The following FAM83B variants were observed in gnomAD, a reference collection of about 807,000 sequenced individuals.
The protein encoded by FAM83B is protein FAM83B.
In FAM83B, 26 loss-of-function variants were observed where a neutral mutation model predicts 38.8. The ratio of observed to expected loss-of-function variants is 0.67; its 90% CI spans 0.49 to 0.93. FAM83B has a LOEUF of 0.93. Among genes scored for constraint, FAM83B ranks in the 40% least tolerant of loss-of-function variants. The pLI, the probability that FAM83B is intolerant of heterozygous loss-of-function variation, is 0.00. For missense variants in FAM83B, 1,237 were observed against 1,197.3 expected (o/e 1.03, Z -0.49); for synonymous variants, 419 against 423.1 (o/e 0.99, Z 0.12).
chr6:54,863,991 C>T (rs75768710), intron 1 of FAM83B, among the ~76,000 whole-genome samples: 14,942 of 152,132 alleles, frequency 0.098, 846 homozygotes, highest in African/African-American at 0.15. Context: ...ATTTTATTTG[C>T]ATTTTTAAGC....
intron 4 of FAM83B, among the ~76,000 whole-genome samples, chr6:54,937,688 G>C (rs190932064): frequency 2.6e-5 from 4 of 152,012 alleles, no homozygotes; most frequent in African/African-American, 9.7e-5. Flanking sequence ...CATTGGACAC[G>C]AGGAAAGTGA....
In FAM83B at chr6:54,927,589, T is replaced by C. The variant is rs1306000070; in HGVS notation, c.691T>C (p.Phe231Leu). Residue 231 changes from phenylalanine (F) to leucine (L), a missense_variant, in exon 4 of 5, where the codon TTT becomes CTT. Coordinates refer to ENST00000306858, the MANE Select transcript of FAM83B (RefSeq NM_001010872.3). Reference protein sequence around the residue: ...AKFHGKMEQKFLLVDCQKVMY... With the variant: ...AKFHGKMEQKLLLVDCQKVMY... ...ATTCCATGGAAAAATGGAACAGAAA[T>C]TTTTGTTAGTTGACTGCCAGAAAGT... 6.2e-7 allele frequency: 1 copy of C among 1,608,124 alleles called. No homozygotes were observed.
chr6:54,937,034 TTTTG>T (rs1223156979), intron 4 of FAM83B, among the ~76,000 whole-genome samples: 4 of 150,220 alleles, frequency 2.7e-5, no homozygotes, highest in Non-Finnish European at 4.4e-5. Flanking sequence ...ATATGTAATA[TTTTG>T]TTTATTTTAA....
chr6:54,927,657 G>A, intron 4 of FAM83B, 25 bp downstream of exon 4: 1 of 1,363,980 alleles, frequency 7.3e-7, no homozygotes. Context: ...TTTAACTTCA[G>A]TGTTATCAAT....
At chr6:54,902,404 TAG>T (rs1456765515) in intron 2 of FAM83B, among the ~76,000 whole-genome samples, 3 of 152,150 alleles carry the variant, frequency 2.0e-5, no homozygotes, top group Admixed American at 6.6e-5. Flanking sequence ...CTTCTACAGG[TAG>T]AGATTCCTTA....
chr6:54,864,625 A>G (rs1188382545), intron 1 of FAM83B, among the ~76,000 whole-genome samples: 1 of 152,228 alleles, frequency 6.6e-6, no homozygotes. Context: ...GACAGCTTGA[A>G]TATTATAGTC....
intron 1 of FAM83B, among the ~76,000 whole-genome samples, chr6:54,851,710 A>G (rs9475043): frequency 0.65 from 79,163 of 121,214 alleles, 26,168 homozygotes; most frequent in African/African-American, 0.84. Flanking sequence ...TGCAGTGGCG[A>G]GATCTGGGCT....
chr6:54,933,596 T>A (rs150671847), intron 4 of FAM83B, among the ~76,000 whole-genome samples: 2 of 152,232 alleles, frequency 1.3e-5, no homozygotes, highest in African/African-American at 4.8e-5. Flanking sequence ...ATCTTAAAAA[T>A]AATCAGTCAC....
chr6:54,851,479 G>A (rs989223200), intron 1 of FAM83B, among the ~76,000 whole-genome samples: 1 of 151,344 alleles, frequency 6.6e-6, no homozygotes, highest in Admixed American at 6.6e-5. Flanking sequence ...TTTTGGTTTG[G>A]TTTGTTTTTT....
rs568374919 is a variant in FAM83B at position 54,890,495 on chromosome 6, C to T, written c.444+19805C>T. Among the ~76,000 whole-genome samples, 660 of 152,040 alleles carry T rather than the reference C, an allele frequency of 4.3e-3. 8 individuals are homozygous for T. The highest frequency in any genetic ancestry group is 0.015 in the African/African-American group (629 of 41,496). ...TTAGTTTCATGTTAACTTGTATGTCCATATTATTTTATTTTTAAGGGTGAG... is the reference window on the plus strand; with the variant it reads ...TTAGTTTCATGTTAACTTGTATGTCTATATTATTTTATTTTTAAGGGTGAG... On this transcript the variant is annotated intron_variant, in intron 2 of 4. Coordinates refer to ENST00000306858, the MANE Select transcript of FAM83B (RefSeq NM_001010872.3).
chr6:54,895,557 T>TTAA (rs1386288824), intron 2 of FAM83B, among the ~76,000 whole-genome samples: 1 of 152,232 alleles, frequency 6.6e-6, no homozygotes, highest in Non-Finnish European at 1.5e-5. Context: ...CACCACAGTT[T>TTAA]TAATACACAT....
At chr6:54,895,109 T>C (rs1772499994) in intron 2 of FAM83B, among the ~76,000 whole-genome samples, 1 of 152,226 alleles carries the variant, frequency 6.6e-6, no homozygotes, top group African/African-American at 2.4e-5. Context: ...AGGTCTTAAC[T>C]CATGCATTAC....
chr6:54,933,039 A>G (rs1403367760), intron 4 of FAM83B, among the ~76,000 whole-genome samples: 1 of 152,094 alleles, frequency 6.6e-6, no homozygotes, highest in Non-Finnish European at 1.5e-5. Context: ...CAAATAAGTT[A>G]TCTGCTTCTT....
At chr6:54,928,016 T>C (rs1773342803) in intron 4 of FAM83B, among the ~76,000 whole-genome samples, 1 of 152,200 alleles carries the variant, frequency 6.6e-6, no homozygotes, top group Non-Finnish European at 1.5e-5. Context: ...TTAAGTAATC[T>C]GGTAAATGGA....
intron 4 of FAM83B, among the ~76,000 whole-genome samples, chr6:54,936,342 A>G (rs1773523372): frequency 6.6e-6 from 1 of 151,956 alleles, no homozygotes; most frequent in South Asian, 2.1e-4. Flanking sequence ...TAACGTATGG[A>G]TGTTCTTTTG....
intron 2 of FAM83B, among the ~76,000 whole-genome samples, chr6:54,913,622 T>C (rs1001857305): frequency 6.6e-6 from 1 of 151,648 alleles, no homozygotes; most frequent in East Asian, 1.9e-4. Context: ...TTAGCAAGAA[T>C]GTTATATACG....
In FAM83B at chr6:54,940,400, T is replaced by A. The variant is rs1377821465; in HGVS notation, c.1429T>A (p.Leu477Met). Residue 477 changes from leucine to methionine, a missense_variant, in exon 5 of 5, where the codon TTG becomes ATG. Leu to Met is a conservative substitution (Grantham distance 15, BLOSUM62 2). Coordinates refer to ENST00000306858, the MANE Select transcript of FAM83B (RefSeq NM_001010872.3). ...TGGGACAGATAACCATATCCGCTTTTTGCAACAACGAATGCCAACCCTTGA... is the reference window on the plus strand; with the variant it reads ...TGGGACAGATAACCATATCCGCTTTATGCAACAACGAATGCCAACCCTTGA... ...FNGTDNHIRFLQQRMPTLEHT... is the reference protein window; with the variant it reads ...FNGTDNHIRFMQQRMPTLEHT... The A allele has an allele frequency of 6.2e-7, 1 of 1,614,078 alleles. No homozygotes were observed. The highest frequency in any genetic ancestry group is 8.5e-7 in the Non-Finnish European group (1 of 1,180,008).
At position 54,944,221 on chromosome 6, in the gene FAM83B, A is replaced by G. The variant is rs1446403737; in HGVS notation, c.*2214A>G. 6.6e-6 allele frequency: 1 copy of G among 152,208 alleles called. No individual in the cohort carries two copies. Among genetic ancestry groups the G allele is most frequent in the Non-Finnish European group, 1.5e-5 (1 of 68,034 alleles). The allele number at this position is 152,208 out of a possible 1,614,324, so 9.4% of individuals were successfully genotyped here. On this transcript the variant is annotated 3_prime_UTR_variant, in exon 5 of 5. Coordinates refer to ENST00000306858, the MANE Select transcript of FAM83B (RefSeq NM_001010872.3). The stretch of plus-strand genomic sequence containing the variant: ...TGTACAGCTACTGTTTAAGTTTTAA[A>G]CAGACACCATCACAGTTTGTGGATG...
At chr6:54,888,922 C>T (rs1042575328) in intron 2 of FAM83B, among the ~76,000 whole-genome samples, 4 of 151,870 alleles carry the variant, frequency 2.6e-5, no homozygotes, top group Admixed American at 2.6e-4. Flanking sequence ...AACCATGTTC[C>T]AGCTATCTCT....
Sources: allele counts gnomAD v4.1 joint callset (sites outside exome capture counted in the v4.1 genomes callset), GRCh38; gene constraint gnomAD v4.1.1; transcripts MANE v1.5; gene names NCBI Gene and HGNC (gene_info 2026-07-23, HGNC 2026-07-21).